Variants in TBC1D30 observed in about 807,000 individuals in gnomAD.
TBC1D30 encodes TBC1 domain family, member 30.
Under a neutral mutation model 63.2 loss-of-function variants are expected in TBC1D30, and 31 were observed. The observed-to-expected ratio is 0.49, with a 90% CI of 0.37 to 0.66. TBC1D30 has a LOEUF of 0.66. Among genes scored for constraint, TBC1D30 ranks in the 30% least tolerant of loss-of-function variants. TBC1D30 has a pLI of 0.00. For synonymous variants in TBC1D30, 307 were observed against 361.5 expected (o/e 0.85, Z 1.71); for missense variants, 810 against 953.6 (o/e 0.85, Z 1.98).
At chr12:64,787,326 C>T in intron 2 of TBC1D30, 1 of 976,178 alleles carries the variant, frequency 1.0e-6, no homozygotes, top group Non-Finnish European at 1.2e-6. Flanking sequence ...TAACATTTAA[C>T]TATTTTTGTT....
chr12:64,816,308 C>G (rs2136337186), intron 2 of TBC1D30, among the ~76,000 whole-genome samples: 1 of 152,268 alleles, frequency 6.6e-6, no homozygotes, highest in Non-Finnish European at 1.5e-5. Context: ...GCTGGGATTA[C>G]TACATGCATG....
At chr12:64,802,103 T>C (rs889258152) in intron 2 of TBC1D30, among the ~76,000 whole-genome samples, 1 of 152,246 alleles carries the variant, frequency 6.6e-6, no homozygotes, top group African/African-American at 2.4e-5. Flanking sequence ...AAAATAATTG[T>C]TGCTAATGAA....
chr12:64,848,083 A>G (rs1876545339), intron 8 of TBC1D30, among the ~76,000 whole-genome samples: 1 of 151,868 alleles, frequency 6.6e-6, no homozygotes, highest in Admixed American at 6.6e-5. Flanking sequence ...GTGCATATAT[A>G]TTTATAATCA....
intron 8 of TBC1D30, among the ~76,000 whole-genome samples, chr12:64,852,694 G>A (rs1383830406): frequency 6.6e-6 from 1 of 152,146 alleles, no homozygotes; most frequent in African/African-American, 2.4e-5. Context: ...TTTTGTTGAT[G>A]TTGATGCTAT....
intron 9 of TBC1D30, among the ~76,000 whole-genome samples, chr12:64,866,154 ACTGTGCC>A (rs1878196266): frequency 6.6e-6 from 1 of 152,220 alleles, no homozygotes; most frequent in South Asian, 2.1e-4. Flanking sequence ...GGTGTGAGCC[ACTGTGCC>A]CAGCCCGTAA....
chr12:64,825,049 C>T lies in TBC1D30; in HGVS notation c.154+16C>T, dbSNP rs1386408588. 1.3e-6 allele frequency: 2 copies of T among 1,526,234 alleles called. No individual in the cohort carries two copies. The highest frequency in any genetic ancestry group is 2.5e-5 in the East Asian group (1 of 40,558). The allele number at this position is 1,526,234 out of a possible 1,614,324, so 94.5% of individuals were successfully genotyped here. On this transcript the variant is annotated intron_variant, in intron 1 of 11. Transcript: ENST00000539867. ...CTGGAGCCGGGTGAGGACCCCAGGGCTGCAGATGGGGCGCTGTAAAGTAGC... is the reference window on the plus strand; with the variant it reads ...CTGGAGCCGGGTGAGGACCCCAGGGTTGCAGATGGGGCGCTGTAAAGTAGC...
intron 11 of TBC1D30, among the ~76,000 whole-genome samples, chr12:64,874,751 G>A (rs1878911354): frequency 6.6e-6 from 1 of 151,840 alleles, no homozygotes; most frequent in Admixed American, 6.6e-5. Context: ...GGAATGAGGG[G>A]TCAGATGTTC....
chr12:64,782,830 T>C (rs960727952), intron 1 of TBC1D30, among the ~76,000 whole-genome samples: 1 of 152,238 alleles, frequency 6.6e-6, no homozygotes, highest in Non-Finnish European at 1.5e-5. Flanking sequence ...TCTTCCCTTG[T>C]AGTCAACCCT....
At chr12:64,811,073 A>G (rs150976385) in intron 2 of TBC1D30, among the ~76,000 whole-genome samples, 71 of 152,374 alleles carry the variant, frequency 4.7e-4, no homozygotes, top group African/African-American at 1.6e-3. Context: ...ATCAAGTTGT[A>G]TACCAAATTT....
Position 64,875,943 on chromosome 12 carries a change from A to G in TBC1D30, c.*155A>G, listed in dbSNP as rs539805378. On this transcript the variant is annotated 3_prime_UTR_variant, in exon 12 of 12. Transcript: ENST00000539867. ...AAAAATGGGAACTGGAAGTTTTATA[A>G]TAGGAGTTAGAACAGGGCTGTTTTC... is the stretch of plus-strand genomic sequence containing the variant. 1.1e-4 allele frequency: 84 copies of G among 748,728 alleles called. No individual in the cohort carries two copies. The highest frequency in any genetic ancestry group is 1.6e-4 in the Non-Finnish European group (80 of 487,010). The allele number at this position is 748,728 out of a possible 1,614,324, so 46.4% of individuals were successfully genotyped here.
intron 1 of TBC1D30, among the ~76,000 whole-genome samples, chr12:64,773,822 C>A (rs1870987804): frequency 6.6e-6 from 1 of 152,092 alleles, no homozygotes; most frequent in African/African-American, 2.4e-5. Context: ...ATAGATAATC[C>A]CATAAAGATG....
At position 64,875,468 on chromosome 12, in the gene TBC1D30, T is replaced by C. The variant is rs1009107591; in HGVS notation, c.1966T>C (p.Leu656=). The C allele has an allele frequency of 3.9e-6, 6 of 1,536,010 alleles. No homozygotes were observed. In the Admixed American group the frequency reaches 9.8e-5, roughly 25 times the overall value. The part of the protein sequence containing the change: ...DVDVSAVQAK[L]GALELNQRDA... ...GGATGTGTCTGCAGTTCAGGCGAAG[T>C]TGGGAGCCCTGGAACTGAACCAGAG... Residue 656 remains leucine (L), a synonymous_variant, in exon 12 of 12, where the codon TTG becomes CTG. Transcript: ENST00000539867.
At position 64,875,776 on chromosome 12, in the gene TBC1D30, T is replaced by TA. The variant is rs1441339718; in HGVS notation, c.2280dup (p.Arg761ThrfsTer17). On this transcript the variant is annotated frameshift_variant, in exon 12 of 12. Coordinates refer to ENST00000539867, the MANE Select transcript of TBC1D30 (RefSeq NM_015279.2). LOFTEE classifies it high-confidence loss of function. ...AACCCGGCGGTGGAAACAGTGGCAC[T>TA]AAAAAACGATGATGTCTCCCCGAAA... 2 of 1,528,582 alleles carry TA rather than the reference T, an allele frequency of 1.3e-6. No homozygotes were observed. The highest frequency in any genetic ancestry group is 8.7e-7 in the Non-Finnish European group (1 of 1,143,688). The allele number at this position is 1,528,582 out of a possible 1,614,324, so 94.7% of individuals were successfully genotyped here. A position where few individuals can be genotyped will look rare whatever the true frequency, so the allele number is the denominator to read the frequency against.
intron 5 of TBC1D30, among the ~76,000 whole-genome samples, chr12:64,834,495 C>T (rs1875151883): frequency 6.6e-6 from 1 of 151,218 alleles, no homozygotes; most frequent in African/African-American, 2.4e-5. Flanking sequence ...CAACCTCCAC[C>T]TTCCAGGTTC....
chr12:64,870,937 A>C (rs968034020), intron 11 of TBC1D30, 129 bp downstream of exon 11: 6 of 826,490 alleles, frequency 7.3e-6, no homozygotes, highest in Non-Finnish European at 1.1e-5. Context: ...CTGGCATGAC[A>C]TAATAGCATA....
chr12:64,769,669 A>T (rs1870838167), intron 1 of TBC1D30, among the ~76,000 whole-genome samples: 1 of 150,936 alleles, frequency 6.6e-6, no homozygotes. Flanking sequence ...TACAGGTGTG[A>T]GCCACCGCAC....
intron 1 of TBC1D30, among the ~76,000 whole-genome samples, chr12:64,775,382 A>C (rs1056592059): frequency 6.6e-6 from 1 of 152,142 alleles, no homozygotes; most frequent in African/African-American, 2.4e-5. Context: ...TCTTCAAGAG[A>C]CCCATCTCAT....
intron 2 of TBC1D30, among the ~76,000 whole-genome samples, chr12:64,817,477 G>A (rs767637143): frequency 2.6e-5 from 4 of 152,192 alleles, no homozygotes; most frequent in Non-Finnish European, 5.9e-5. Flanking sequence ...CACCAGGGGT[G>A]ATGACCTGAC....
At chr12:64,805,659 C>A (rs1872821982) in intron 2 of TBC1D30, among the ~76,000 whole-genome samples, 1 of 151,934 alleles carries the variant, frequency 6.6e-6, no homozygotes, top group Non-Finnish European at 1.5e-5. Flanking sequence ...ACGGTGAAAC[C>A]CTGTCTCTAC....
Sources: gnomAD v4.1 joint callset for allele counts (sites outside exome capture counted in the v4.1 genomes callset) on GRCh38, gnomAD v4.1.1 for gene constraint, MANE v1.5 for transcripts, NCBI Gene and HGNC (gene_info 2026-07-23, HGNC 2026-07-21) for gene names.